TET3: variants seen among roughly 807,000 people sequenced by gnomAD.
TET3 encodes the protein methylcytosine dioxygenase TET3.
In TET3, 19 loss-of-function variants were observed where a neutral mutation model predicts 141.4. That is an observed-to-expected ratio of 0.13 (90% CI 0.09 to 0.20). The LOEUF is 0.20. Ranked by LOEUF, TET3 falls within the 10% of genes least tolerant of loss-of-function variation. TET3 has a pLI of 1.00. For synonymous variants in TET3, 1,043 were observed against 980.9 expected, an observed-to-expected ratio of 1.06 and a Z score of -1.18; for missense variants, 1,874 against 2,356.9, an observed-to-expected ratio of 0.80 and a Z score of 4.24.
chr2:74,055,100 A>C (rs752016871), intron 4 of TET3, among the ~76,000 whole-genome samples: 4 of 152,002 alleles, frequency 2.6e-5, no homozygotes, highest in Non-Finnish European at 1.5e-5. Flanking sequence ...GGGTCTTGCC[A>C]TGTTGCCCAG....
the TET3 span, among the ~76,000 whole-genome samples, chr2:74,128,192 T>G: frequency 1.3e-5 from 2 of 152,104 alleles, no homozygotes; most frequent in Non-Finnish European, 2.9e-5. Context: ...ATTTTTTTTT[T>G]CGCTTGGTGT....
At chr2:74,097,230 CAT>C (rs1553435446) in intron 10 of TET3, among the ~76,000 whole-genome samples, 32 of 150,998 alleles carry the variant, frequency 2.1e-4, no homozygotes, top group African/African-American at 4.4e-4. Context: ...CACACACACA[CAT>C]ACATTCAAAT....
rs142149841 is a variant in TET3, at chr2:74,049,205, T to G, written c.2494+794T>G. On this transcript the variant is annotated intron_variant, in intron 4 of 11. Transcript: ENST00000409262. ...GACACTGCAGGTCTCTGCCTGGGGG[T>G]GGTGGTGTTCACTGATAACTCGGAT... 5.0e-3 allele frequency among the ~76,000 whole-genome samples: 756 copies of G among 151,740 alleles called. 3 individuals carry two copies. Among genetic ancestry groups the G allele is most frequent in the African/African-American group, 0.017 (717 of 41,328 alleles).
At chr2:74,043,968 T>C (rs1490865996) in intron 3 of TET3, among the ~76,000 whole-genome samples, 7 of 152,114 alleles carry the variant, frequency 4.6e-5, no homozygotes, top group Admixed American at 4.6e-4. Flanking sequence ...GAGATCAGCC[T>C]GGGCAACACA....
At chr2:73,988,334 A>G (rs1684149539) in intron 2 of TET3, among the ~76,000 whole-genome samples, 1 of 152,148 alleles carries the variant, frequency 6.6e-6, no homozygotes, top group South Asian at 2.1e-4. Context: ...TTTCTTCCCC[A>G]GCCCCCATTA....
At chr2:73,989,547 G>A (rs895480323) in intron 2 of TET3, among the ~76,000 whole-genome samples, 2 of 152,166 alleles carry the variant, frequency 1.3e-5, no homozygotes, top group Non-Finnish European at 2.9e-5. Flanking sequence ...TGTCGGTGGG[G>A]AGAAGGGTGC....
Position 74,100,574 on chromosome 2 carries a change from C to A in TET3, c.3786C>A (p.Ser1262=). 6.2e-7 allele frequency: 1 copy of A among 1,613,694 alleles called. No individual in the cohort carries two copies. Among genetic ancestry groups the A allele is most frequent in the Non-Finnish European group, 8.5e-7 (1 of 1,179,782 alleles). ...YSMNSVYSYH[S]YYAQPSLTSV... is the part of the protein sequence containing the mutation. ...TGAACAGCGTGTACTCCTACCACTC[C>A]TACTATGCACAGCCCAGCCTGACCT... Residue 1262 remains serine, a synonymous_variant, in exon 12 of 12, where the codon TCC becomes TCA. Transcript: ENST00000409262.
At position 74,101,351 on chromosome 2, in the gene TET3, C is replaced by T. The variant is rs773634069; in HGVS notation, c.4563C>T (p.Ser1521=). Residue 1521 remains serine, a synonymous_variant, in exon 12 of 12, where the codon AGC becomes AGT. Coordinates refer to ENST00000409262, the MANE Select transcript of TET3 (RefSeq NM_001287491.2). The surrounding 1 kb of genome is among the most constrained non-coding windows in gnomAD (Gnocchi z 8.5). ...GGAGCCCCTGCAAGTTTGGGAACAG[C>T]ACCTCGGCCTTGGCTGGGCCCAGCC... ...KPWSPCKFGN[S]TSALAGPSLT... 3.1e-6 allele frequency: 5 copies of T among 1,613,910 alleles called. No homozygotes were observed. In the Admixed American group the frequency reaches 8.3e-5, roughly 27 times the overall value.
chr2:74,049,271 C>T (rs1687815270), intron 4 of TET3, among the ~76,000 whole-genome samples: 1 of 152,156 alleles, frequency 6.6e-6, no homozygotes, highest in Non-Finnish European at 1.5e-5. Flanking sequence ...CGAGCCACAT[C>T]TGAAGTGGCC....
intron 2 of TET3, among the ~76,000 whole-genome samples, chr2:73,990,497 G>A (rs1285621093): frequency 6.6e-6 from 1 of 152,186 alleles, no homozygotes; most frequent in African/African-American, 2.4e-5. Context: ...ACACCAAGGA[G>A]TCACTATGGT....
intron 3 of TET3, among the ~76,000 whole-genome samples, chr2:74,028,371 G>A (rs953879252): frequency 6.6e-6 from 1 of 151,562 alleles, no homozygotes; most frequent in African/African-American, 2.4e-5. Context: ...TTTTCTTTTG[G>A]TCTCATATCT....
chr2:74,105,049 C>T lies in TET3; in HGVS notation c.*2873C>T. ...ACTATGCACAGCTCTTTATCCCCCC[C>T]TTGCTGCTGAAGCTTTCTTAAAGAG... is the stretch of plus-strand genomic sequence containing the variant. On this transcript the variant is annotated 3_prime_UTR_variant, in exon 12 of 12. Coordinates refer to ENST00000409262, the MANE Select transcript of TET3 (RefSeq NM_001287491.2). 1 of 397,796 alleles carries T rather than the reference C, an allele frequency of 2.5e-6. No homozygotes were observed. The highest frequency in any genetic ancestry group is 4.4e-6 in the Non-Finnish European group (1 of 226,046). 24.6% of individuals were successfully genotyped at this position (397,796 alleles called of 1,614,324 possible).
chr2:74,046,544 T>C lies in TET3; in HGVS notation c.627T>C (p.Ala209=). 1 of 1,614,032 alleles carries C rather than the reference T, an allele frequency of 6.2e-7. No individual in the cohort carries two copies. The highest frequency in any genetic ancestry group is 1.1e-5 in the South Asian group (1 of 91,086). The change falls in exon 4 of 12, where the codon GCT becomes GCC. Residue 209 remains alanine (A), a synonymous_variant. Transcript: ENST00000409262. This position sits in a 1 kb window ranked among gnomAD's most constrained non-coding sequence, Gnocchi z 4.3. The part of the protein sequence containing the change: ...DLVAFSAVAE[A]VSSYGALSTR... ...TGGCCTTTTCGGCTGTGGCCGAAGC[T>C]GTGTCCTCTTATGGGGCCCTTAGCA...
chr2:74,134,719 CAG>C, the TET3 span: 98 of 456,748 alleles, frequency 2.1e-4, no homozygotes, highest in Non-Finnish European at 3.9e-4. Context: ...CTGCTGAAAA[CAG>C]GGACAAGGAA....
intron 4 of TET3, 71 bp from the exon 5 acceptor site, chr2:74,073,478 G>A (rs1459176877): frequency 1.7e-6 from 2 of 1,198,812 alleles, no homozygotes; most frequent in Non-Finnish European, 2.3e-6. Context: ...TTTCCTGTTG[G>A]TGGTTTGCTT....
intron 2 of TET3, among the ~76,000 whole-genome samples, chr2:73,992,117 A>G (rs558132462): frequency 6.6e-6 from 1 of 152,064 alleles, no homozygotes. Context: ...AGCAAGAGTG[A>G]GAGGGAAGAG....
chr2:74,080,386 C>G (rs1689742202), intron 5 of TET3, 112 bp from the exon 6 acceptor site: 1 of 902,124 alleles, frequency 1.1e-6, no homozygotes, highest in Non-Finnish European at 1.8e-6. Context: ...TCTGTTGCCC[C>G]CGACGGTAAC....
At position 74,101,126 on chromosome 2, in the gene TET3, C is replaced by T; in HGVS notation, c.4338C>T (p.Pro1446=). Residue 1446 remains proline, a synonymous_variant, in exon 12 of 12, where the codon CCC becomes CCT. Transcript: ENST00000409262. The surrounding 1 kb of genome is among the most constrained non-coding windows in gnomAD (Gnocchi z 8.5). The stretch of plus-strand genomic sequence containing the variant: ...ACTCAGGAGGCCCAAGCATGTCCCC[C>T]AAGAGGACTAACGGTGTGGGTGGCA... ...GQYSGGPSMS[P]KRTNGVGGSW... is the part of the protein sequence containing the mutation. The T allele has an allele frequency of 4.3e-6, 7 of 1,613,786 alleles. No homozygotes were observed. The highest frequency in any genetic ancestry group is 5.9e-6 in the Non-Finnish European group (7 of 1,179,800).
At chr2:74,031,801 G>A (rs756133454) in intron 3 of TET3, among the ~76,000 whole-genome samples, 5 of 152,196 alleles carry the variant, frequency 3.3e-5, no homozygotes, top group Admixed American at 3.3e-4. Context: ...AGGATTGAGT[G>A]GGGGCAAACA....
Sources: allele counts gnomAD v4.1 joint callset (sites outside exome capture counted in the v4.1 genomes callset), GRCh38; gene constraint gnomAD v4.1.1; non-coding constraint Gnocchi (gnomAD v3.1); transcripts MANE v1.5; gene names NCBI Gene and HGNC (gene_info 2026-07-23, HGNC 2026-07-21).